Variants in URM1 observed in about 807,000 individuals in gnomAD.
URM1 encodes ubiquitin-related modifier 1.
In URM1, 11 loss-of-function variants were observed where a neutral mutation model predicts 17.7. The observed-to-expected ratio is 0.62, with a 90% CI of 0.39 to 1.03. The LOEUF (loss-of-function observed/expected upper bound fraction) is 1.03, where lower values mean the gene tolerates loss of function less well. Ranked by LOEUF, URM1 falls within the 50% of genes least tolerant of loss-of-function variation. The pLI, the probability that URM1 is intolerant of heterozygous loss-of-function variation, is 0.00. For synonymous variants in URM1, 48 were observed against 50.6 expected, an observed-to-expected ratio of 0.95 and a Z score of 0.22; for missense variants, 128 against 129.2, an observed-to-expected ratio of 0.99 and a Z score of 0.04.
At chr9:128,386,810 C>G (rs1833233441) in intron 2 of URM1, among the ~76,000 whole-genome samples, 1 of 152,246 alleles carries the variant, frequency 6.6e-6, no homozygotes, top group South Asian at 2.1e-4. Flanking sequence ...GCAGACCCCT[C>G]TGGACGCTGA....
intron 1 of URM1, among the ~76,000 whole-genome samples, chr9:128,371,704 C>A (rs2286814): frequency 0.33 from 50,285 of 152,104 alleles, 11,841 homozygotes; most frequent in African/African-American, 0.67. Flanking sequence ...CAGCCTCTCT[C>A]TCTTCTTTTC....
chr9:128,373,242 A>G (rs1392753269), intron 1 of URM1, among the ~76,000 whole-genome samples: 2 of 146,748 alleles, frequency 1.4e-5, no homozygotes, highest in Non-Finnish European at 3.0e-5. Flanking sequence ...TGAAAATTGC[A>G]GCATTCTCAG....
rs112099904 is a variant in URM1, at chr9:128,378,034, A to G, written c.36-2A>G. On this transcript the variant is annotated splice_acceptor_variant, in intron 1 of 4. Transcript: ENST00000372853. LOFTEE classifies it high-confidence loss of function. ...GTCTTTTTCTCTGGTCCTCCTTTGC[A>G]GAGGTGGTGCGGAGCTCCTGTTTGA... 1 of 1,611,726 alleles carries G rather than the reference A, an allele frequency of 6.2e-7. No homozygotes were observed. The highest frequency in any genetic ancestry group is 8.5e-7 in the Non-Finnish European group (1 of 1,179,036).
Position 128,389,924 on chromosome 9 carries a change from G to GT in URM1, c.*190_*191insT. On this transcript the variant is annotated 3_prime_UTR_variant, in exon 5 of 5. Transcript: ENST00000372853. ...AGCCTTTCTCAAGCACGTGAGCAGC[G>GT]GAAGGCAGACAGGCGCCAGAGCCCA... 1 of 727,514 alleles carries GT rather than the reference G, an allele frequency of 1.4e-6. No individual in the cohort carries two copies. The highest frequency in any genetic ancestry group is 2.0e-5 in the South Asian group (1 of 50,592). The allele number at this position is 727,514 out of a possible 1,614,324, so 45.1% of individuals were successfully genotyped here.
rs1833237682 is a variant in URM1 at position 128,387,045 on chromosome 9, G to C, written c.107-771G>C. On this transcript the variant is annotated intron_variant, in intron 2 of 4. Transcript: ENST00000372853. This position sits in a 1 kb window ranked among gnomAD's most constrained non-coding sequence, Gnocchi z 4.3. ...GCCCGATACTGCTGCCCCTAGGAAA[G>C]GACAGGTGACCCTGAAGACAGGTGG... 6.6e-6 allele frequency among the ~76,000 whole-genome samples: 1 copy of C among 152,230 alleles called. No individual in the cohort carries two copies. The highest frequency in any genetic ancestry group is 6.5e-5 in the Admixed American group (1 of 15,284).
chr9:128,390,855 G>C lies in URM1; in HGVS notation c.*1121G>C, dbSNP rs1338849865. 1 of 152,636 alleles carries C rather than the reference G, an allele frequency of 6.6e-6. No individual in the cohort carries two copies. Among genetic ancestry groups the C allele is most frequent in the Non-Finnish European group, 1.5e-5 (1 of 68,260 alleles). 9.5% of individuals were successfully genotyped at this position (152,636 alleles called of 1,614,324 possible). A position where few individuals can be genotyped will look rare whatever the true frequency, so the allele number is the denominator to read the frequency against. On this transcript the variant is annotated 3_prime_UTR_variant, in exon 5 of 5. Coordinates refer to ENST00000372853, the MANE Select transcript of URM1 (RefSeq NM_030914.4). ...TCAGAGCTACCCTTCACCCAAAAGA[G>C]GGGTGGGGGTGAACACTCAGACAAT...
chr9:128,375,450 C>T (rs1564409496), intron 1 of URM1, among the ~76,000 whole-genome samples: 1 of 152,182 alleles, frequency 6.6e-6, no homozygotes, highest in African/African-American at 2.4e-5. Context: ...GTGGCCCACA[C>T]CTATAATCCC....
In URM1 at chr9:128,371,384, G is replaced by C; in HGVS notation, c.4G>C (p.Ala2Pro). 6.2e-7 allele frequency: 1 copy of C among 1,613,104 alleles called. No homozygotes were observed. The highest frequency in any genetic ancestry group is 8.5e-7 in the Non-Finnish European group (1 of 1,179,390). The change falls in exon 1 of 5, where the codon GCT (alanine) becomes CCT (proline). Residue 2 changes from alanine (A) to proline (P), a missense_variant. Physicochemically the swap from Ala to Pro is conservative, Grantham distance 27. Coordinates refer to ENST00000372853, the MANE Select transcript of URM1 (RefSeq NM_030914.4). The part of the protein sequence containing the change: M[A>P]APLSVEVEFG... The stretch of plus-strand genomic sequence containing the variant: ...CTGCGAGCTCGGCTTCCTCAACATG[G>C]CTGCGCCCTTGTCAGTGGAGGTGGA...
chr9:128,388,853 A>T (rs1239595471), intron 3 of URM1: 1 of 1,004,654 alleles, frequency 1.0e-6, no homozygotes, highest in Admixed American at 5.6e-5. Flanking sequence ...ATAAGATTAG[A>T]CCCCTGGAAA....
At chr9:128,380,787 C>T (rs949149074) in intron 2 of URM1, among the ~76,000 whole-genome samples, 6 of 151,926 alleles carry the variant, frequency 3.9e-5, no homozygotes, top group Non-Finnish European at 5.9e-5. Context: ...AGGCAGGCAC[C>T]ACAACACCTG....
rs1426797925 is a variant in URM1 at position 128,391,470 on chromosome 9, C to T, written c.*1736C>T. 1 of 152,176 alleles carries T rather than the reference C, an allele frequency of 6.6e-6. No individual in the cohort carries two copies. The highest frequency in any genetic ancestry group is 1.5e-5 in the Non-Finnish European group (1 of 68,122). The allele number at this position is 152,176 out of a possible 1,614,324, so 9.4% of individuals were successfully genotyped here. ...TGTCCAGAAAGGCTGTGTGACCAAC[C>T]CTCACTAGTTCCTGAGGTCAGGGTC... On this transcript the variant is annotated 3_prime_UTR_variant, in exon 5 of 5. Coordinates refer to ENST00000372853, the MANE Select transcript of URM1 (RefSeq NM_030914.4).
chr9:128,388,781 C>G lies in URM1; in HGVS notation c.189-480C>G, dbSNP rs955304939. On this transcript the variant is annotated intron_variant, in intron 3 of 4. Coordinates refer to ENST00000372853, the MANE Select transcript of URM1 (RefSeq NM_030914.4). ...TTCGGAAGAGGCAAAACAGCCTTCT[C>G]TCCAGGATGGGCATGCAGAGGCCTA... 6.1e-6 allele frequency: 6 copies of G among 988,086 alleles called. No homozygotes were observed. The East Asian group carries it at 6.8e-4, about 112-fold the overall frequency. The allele number at this position is 988,086 out of a possible 1,614,324, so 61.2% of individuals were successfully genotyped here. A position where few individuals can be genotyped will look rare whatever the true frequency, so the allele number is the denominator to read the frequency against.
At chr9:128,389,077 C>T in intron 3 of URM1, 184 bp from the exon 4 acceptor site, 1 of 1,405,030 alleles carries the variant, frequency 7.1e-7, no homozygotes, top group Non-Finnish European at 9.2e-7. Flanking sequence ...AAAGACCATG[C>T]ATGACTGACC....
At chr9:128,384,711 G>A (rs1833204201) in intron 2 of URM1, among the ~76,000 whole-genome samples, 2 of 152,104 alleles carry the variant, frequency 1.3e-5, no homozygotes, top group South Asian at 2.1e-4. Context: ...AGTGCTGAGA[G>A]CTTTGTATAT....
chr9:128,373,675 T>A (rs1420407509), intron 1 of URM1, among the ~76,000 whole-genome samples: 1 of 152,228 alleles, frequency 6.6e-6, no homozygotes, highest in Non-Finnish European at 1.5e-5. Flanking sequence ...GTGGTCCATG[T>A]TGTAAAGGCC....
chr9:128,385,512 G>T (rs1165373108), intron 2 of URM1, among the ~76,000 whole-genome samples: 1 of 152,120 alleles, frequency 6.6e-6, no homozygotes, highest in African/African-American at 2.4e-5. Context: ...GGAGAGGGAA[G>T]ACAAGAGGAC....
chr9:128,390,789 C>G lies in URM1; in HGVS notation c.*1055C>G, dbSNP rs1444716541. The G allele has an allele frequency of 6.6e-6, 1 of 152,538 alleles. No individual in the cohort carries two copies. Among genetic ancestry groups the G allele is most frequent in the Non-Finnish European group, 1.5e-5 (1 of 68,098 alleles). The allele number at this position is 152,538 out of a possible 1,614,324, so 9.4% of individuals were successfully genotyped here. Reference sequence around the variant, plus strand: ...GGGTGGCACCTCATATCCCCCCAGCCGTGGTCTGTGATACAACCTCTCCAT... The same window carrying G: ...GGGTGGCACCTCATATCCCCCCAGCGGTGGTCTGTGATACAACCTCTCCAT... On this transcript the variant is annotated 3_prime_UTR_variant, in exon 5 of 5. Transcript: ENST00000372853.
rs116052877 is a variant in URM1, at chr9:128,386,327, T to C, written c.107-1489T>C. 4.5e-3 allele frequency among the ~76,000 whole-genome samples: 686 copies of C among 152,210 alleles called. 9 individuals carry two copies. The highest frequency in any genetic ancestry group is 0.016 in the African/African-American group (656 of 41,534). ...AGGGGAAACCTCTGAAACCCAGACC[T>C]CAGGGAGGAACCCAGCCAGGAGTCC... On this transcript the variant is annotated intron_variant, in intron 2 of 4. Transcript: ENST00000372853.
At chr9:128,376,172 C>T (rs1032764146) in intron 1 of URM1, among the ~76,000 whole-genome samples, 2 of 151,724 alleles carry the variant, frequency 1.3e-5, no homozygotes, top group African/African-American at 4.8e-5. Context: ...CCAGCCTGGA[C>T]GACATAGGGA....
Sources: gnomAD v4.1 joint callset for allele counts (sites outside exome capture counted in the v4.1 genomes callset) on GRCh38, gnomAD v4.1.1 for gene constraint, Gnocchi (gnomAD v3.1) non-coding constraint, MANE v1.5 for transcripts, NCBI Gene and HGNC (gene_info 2026-07-23, HGNC 2026-07-21) for gene names.